ORC5: variants seen among roughly 807,000 people sequenced by gnomAD.
The protein encoded by ORC5 is origin recognition complex subunit 5, also known as protein phosphatase 1, regulatory subunit 117.
A neutral mutation model predicts 58.8 loss-of-function variants in ORC5; 39 were observed. The ratio of observed to expected loss-of-function variants is 0.66; its 90% CI spans 0.51 to 0.87. The LOEUF (loss-of-function observed/expected upper bound fraction) is 0.87, where lower values mean the gene tolerates loss of function less well. Among genes scored for constraint, ORC5 ranks in the 40% least tolerant of loss-of-function variants. The pLI, the probability that ORC5 is intolerant of heterozygous loss-of-function variation, is 0.00. For synonymous variants in ORC5, 218 were observed against 177.6 expected (o/e 1.23, Z -1.81); for missense variants, 493 against 506.3 (o/e 0.97, Z 0.25).
At chr7:104,131,075 G>T (rs1272147571) in intron 13 of ORC5, among the ~76,000 whole-genome samples, 1 of 152,188 alleles carries the variant, frequency 6.6e-6, no homozygotes, top group East Asian at 1.9e-4. Flanking sequence ...TGGTGCCATT[G>T]TAAGTAAATT....
rs1318772181 is a variant in ORC5 at position 104,133,098 on chromosome 7, GTTA to G, written c.1262+3680_1262+3682del. ...GTAGGGGCCAGATCATTTGGGCCTT[GTTA>G]GTTATTTAAAAGATTCTGTTATTTA... On this transcript the variant is annotated intron_variant, in intron 13 of 13. Coordinates refer to ENST00000297431, the MANE Select transcript of ORC5 (RefSeq NM_002553.4). The surrounding 1 kb of genome is among the most constrained non-coding windows in gnomAD (Gnocchi z 4.7). 5.3e-5 allele frequency among the ~76,000 whole-genome samples: 8 copies of G among 152,166 alleles called. No individual in the cohort carries two copies. Among genetic ancestry groups the G allele is most frequent in the African/African-American group, 1.9e-4 (8 of 41,416 alleles).
rs1445984944 is a variant in ORC5 at position 104,133,678 on chromosome 7, G to A, written c.1262+3103C>T. 6.6e-6 allele frequency among the ~76,000 whole-genome samples: 1 copy of A among 152,084 alleles called. No individual in the cohort carries two copies. Among genetic ancestry groups the A allele is most frequent in the Non-Finnish European group, 1.5e-5 (1 of 68,006 alleles). On this transcript the variant is annotated intron_variant, in intron 13 of 13. Transcript: ENST00000297431. The surrounding 1 kb of genome is among the most constrained non-coding windows in gnomAD (Gnocchi z 4.7). ...TGAAGTCACAGGTGTGGCTCAAGTT[G>A]CCTAGGGAAAAAAATGTAATATGAG...
Position 104,136,821 on chromosome 7 carries a change from T to C in ORC5, c.1222A>G (p.Lys408Glu), listed in dbSNP as rs1798595816. The C allele has an allele frequency of 1.2e-6, 2 of 1,613,926 alleles. No homozygotes were observed. Among genetic ancestry groups the C allele is most frequent in the Non-Finnish European group, 1.7e-6 (2 of 1,179,780 alleles). Reference protein sequence around the residue: ...HDDQLDGPKYKCTVSLDFIRA... With the variant: ...HDDQLDGPKYECTVSLDFIRA... Reference sequence around the variant, plus strand: ...ATGAAGTCTAGAGACACTGTGCATTTGTATTTTGGTCCATCAAGCTGATCG... The same window carrying C: ...ATGAAGTCTAGAGACACTGTGCATTCGTATTTTGGTCCATCAAGCTGATCG... The change falls in exon 13 of 14, where the codon AAA (lysine) becomes GAA (glutamate). Residue 408 changes from lysine (K) to glutamate (E), a missense_variant. This residue lies in a region of ORC5 where 77 missense variants were observed against 86.1 expected (regional missense o/e 0.89). Coordinates refer to ENST00000297431, the MANE Select transcript of ORC5 (RefSeq NM_002553.4). This position sits in a 1 kb window ranked among gnomAD's most constrained non-coding sequence, Gnocchi z 4.2.
chr7:104,200,795 G>C lies in ORC5; in HGVS notation c.329C>G (p.Thr110Ser), dbSNP rs1257115676. The C allele has an allele frequency of 6.2e-7, 1 of 1,610,482 alleles. No individual in the cohort carries two copies. The highest frequency in any genetic ancestry group is 8.5e-7 in the Non-Finnish European group (1 of 1,177,112). Reference protein sequence around the residue: ...NDFVRLFKQVTTAENLKDQTV... With the variant: ...NDFVRLFKQVSTAENLKDQTV... ...CTGATCTTTAAGATTTTCAGCTGTG[G>C]TTACTTGTTTAAACAAGCGAACAAA... The change falls in exon 3 of 14, where the codon ACC becomes AGC. Residue 110 changes from threonine to serine, a missense_variant. Transcript: ENST00000297431.
intron 5 of ORC5, among the ~76,000 whole-genome samples, chr7:104,194,146 C>A (rs976130845): frequency 1.4e-5 from 2 of 141,894 alleles, no homozygotes; most frequent in African/African-American, 5.1e-5. Flanking sequence ...TTTCCTCTTA[C>A]CCTTTTTTAT....
At chr7:104,166,976 A>G in intron 9 of ORC5, 92 bp from the exon 10 acceptor site, 1 of 704,578 alleles carries the variant, frequency 1.4e-6, no homozygotes, top group Non-Finnish European at 2.5e-6. Context: ...TCCATATGGT[A>G]TTCTCTAGTC....
intron 5 of ORC5, 45 bp downstream of exon 5, chr7:104,195,098 T>C: frequency 1.0e-6 from 1 of 964,598 alleles, no homozygotes; most frequent in Non-Finnish European, 1.6e-6. Flanking sequence ...CAACAAAAAC[T>C]ATTCTCCTGC....
At chr7:104,183,145 T>A (rs933630963) in intron 8 of ORC5, among the ~76,000 whole-genome samples, 9 of 152,038 alleles carry the variant, frequency 5.9e-5, no homozygotes, top group Admixed American at 3.3e-4. Context: ...CAAAAAACAA[T>A]TTCTGCAGAA....
At chr7:104,199,263 T>G (rs1027611265) in intron 3 of ORC5, among the ~76,000 whole-genome samples, 1 of 152,198 alleles carries the variant, frequency 6.6e-6, no homozygotes, top group Non-Finnish European at 1.5e-5. Context: ...TTGCACTGTG[T>G]GCATGGAAAA....
chr7:104,145,391 G>A (rs1350336447), intron 12 of ORC5, among the ~76,000 whole-genome samples: 1 of 152,050 alleles, frequency 6.6e-6, no homozygotes, highest in Non-Finnish European at 1.5e-5. Context: ...ATATTTTGCA[G>A]TAAATAAATT....
chr7:104,207,322 G>T lies in ORC5; in HGVS notation c.72+511C>A, dbSNP rs1433468140. 7.2e-5 allele frequency among the ~76,000 whole-genome samples: 11 copies of T among 152,288 alleles called. No individual in the cohort carries two copies. The South Asian group carries it at 2.1e-3, about 29-fold the overall frequency. ...TGTGAACTATCAGTTAAGGAGAAAAGTTTACCCTAGACCTCTTCTGGACTG... is the reference window on the plus strand; with the variant it reads ...TGTGAACTATCAGTTAAGGAGAAAATTTTACCCTAGACCTCTTCTGGACTG... On this transcript the variant is annotated intron_variant, in intron 1 of 13. Coordinates refer to ENST00000297431, the MANE Select transcript of ORC5 (RefSeq NM_002553.4).
intron 12 of ORC5, among the ~76,000 whole-genome samples, chr7:104,156,842 T>G (rs1798935852): frequency 6.6e-6 from 1 of 151,924 alleles, no homozygotes; most frequent in African/African-American, 2.4e-5. Flanking sequence ...ATTACATTTT[T>G]CAGCAAGTTT....
rs117043023 is a variant in ORC5 at position 104,142,354 on chromosome 7, C to T, written c.1150-5461G>A. Among the ~76,000 whole-genome samples the T allele has an allele frequency of 8.2e-3, 1,248 of 152,014 alleles. 35 individuals are homozygous for T. The South Asian group carries it at 0.12, about 14-fold the overall frequency. On this transcript the variant is annotated intron_variant, in intron 12 of 13. Transcript: ENST00000297431. ...GGCAATGATTTTTTTGGATAGGCTG[C>T]CAAAAGCACAGGAAACAAAAGCAAA...
chr7:104,193,947 T>G (rs571608277), intron 5 of ORC5, among the ~76,000 whole-genome samples: 1 of 151,790 alleles, frequency 6.6e-6, no homozygotes, highest in East Asian at 1.9e-4. Flanking sequence ...TTTAAAAATT[T>G]AATTCTGTAA....
At position 104,127,005 on chromosome 7, in the gene ORC5, T is replaced by C. The variant is rs372350893; in HGVS notation, c.1263-112A>G. ...TTCATGACTAATGCTAAAAATCCTA[T>C]AGTGCTATCAAATGCACCCTGATAG... On this transcript the variant is annotated intron_variant, in intron 13 of 13. Transcript: ENST00000297431. 4.1e-4 allele frequency: 277 copies of C among 673,568 alleles called. 3 individuals carry two copies. The South Asian group carries it at 5.7e-3, about 14-fold the overall frequency. The allele number at this position is 673,568 out of a possible 1,614,324, so 41.7% of individuals were successfully genotyped here.
chr7:104,206,853 T>C (rs1454809101), intron 1 of ORC5, among the ~76,000 whole-genome samples: 1 of 152,232 alleles, frequency 6.6e-6, no homozygotes, highest in African/African-American at 2.4e-5. Context: ...GTATTCAGTA[T>C]AGTAGCACCG....
intron 12 of ORC5, among the ~76,000 whole-genome samples, chr7:104,146,121 T>C (rs1235267635): frequency 6.6e-6 from 1 of 152,124 alleles, no homozygotes; most frequent in East Asian, 1.9e-4. Flanking sequence ...AGAGAATATA[T>C]CCTCATGAGT....
At chr7:104,203,181 G>A (rs549645180) in intron 2 of ORC5, among the ~76,000 whole-genome samples, 7 of 152,300 alleles carry the variant, frequency 4.6e-5, no homozygotes, top group African/African-American at 1.7e-4. Context: ...AGCAGGAACT[G>A]TACACAGTTC....
chr7:104,156,034 C>A (rs192342445), intron 12 of ORC5, among the ~76,000 whole-genome samples: 1 of 151,502 alleles, frequency 6.6e-6, no homozygotes, highest in African/African-American at 2.4e-5. Flanking sequence ...TAAACTTTAC[C>A]CATTTACTGC....
Sources: gnomAD v4.1 joint callset for allele counts (sites outside exome capture counted in the v4.1 genomes callset) on GRCh38, gnomAD v4.1.1 for gene constraint, gnomAD v4.1.1 regional missense constraint, Gnocchi (gnomAD v3.1) non-coding constraint, MANE v1.5 for transcripts, NCBI Gene and HGNC (gene_info 2026-07-23, HGNC 2026-07-21) for gene names.